ANKRD36C: variants seen among roughly 807,000 people sequenced by gnomAD.
The protein encoded by ANKRD36C is ankyrin repeat domain-containing protein 36C.
In ANKRD36C, 61 loss-of-function variants were observed where a neutral mutation model predicts 276.4. The ratio of observed to expected loss-of-function variants is 0.22; its 90% CI spans 0.18 to 0.27. ANKRD36C has a LOEUF of 0.27. Ranked by LOEUF, ANKRD36C falls within the 10% of genes least tolerant of loss-of-function variation. The pLI is 1.00. For missense variants in ANKRD36C, 1,447 were observed against 2,032.3 expected (o/e 0.71, Z 5.54); for synonymous variants, 483 against 680.1 (o/e 0.71, Z 4.51).
At chr2:95,915,666 C>G (rs1271157379) in intron 38 of ANKRD36C, among the ~76,000 whole-genome samples, 1 of 151,480 alleles carries the variant, frequency 6.6e-6, no homozygotes, top group East Asian at 2.0e-4. Flanking sequence ...TCCTCCCTTT[C>G]TCCTTACACC....
chr2:95,889,667 T>C, intron 48 of ANKRD36C, 132 bp downstream of exon 68: 2 of 1,307,604 alleles, frequency 1.5e-6, no homozygotes, highest in Non-Finnish European at 2.1e-6. Flanking sequence ...GAGAACTTAT[T>C]ACAAATGAAT....
chr2:95,893,535 G>C (rs1040929656), intron 44 of ANKRD36C: 4 of 1,544,340 alleles, frequency 2.6e-6, no homozygotes, highest in Admixed American at 3.9e-5. Context: ...AAAATTACCT[G>C]TTCTAGATTT....
chr2:95,925,907 G>T (rs1677391927), intron 28 of ANKRD36C, among the ~76,000 whole-genome samples: 1 of 151,560 alleles, frequency 6.6e-6, no homozygotes. Context: ...GGTACTAAAT[G>T]CTACTGCATG....
intron 38 of ANKRD36C, among the ~76,000 whole-genome samples, chr2:95,915,314 T>G (rs182122212): frequency 6.6e-6 from 1 of 151,566 alleles, no homozygotes; most frequent in Non-Finnish European, 1.5e-5. Flanking sequence ...TGATGCCTAA[T>G]AGTAACAAAG....
intron 12 of ANKRD36C, among the ~76,000 whole-genome samples, chr2:95,958,338 T>C (rs1440103914): frequency 6.6e-6 from 1 of 152,056 alleles, no homozygotes; most frequent in East Asian, 1.9e-4. Flanking sequence ...CCTCAGCCTG[T>C]TGTATCTTGA....
intron 6 of ANKRD36C, among the ~76,000 whole-genome samples, chr2:95,972,523 A>T (rs1280535062): frequency 6.6e-6 from 1 of 152,198 alleles, no homozygotes; most frequent in African/African-American, 2.4e-5. Flanking sequence ...TTTACTATGT[A>T]TTCTTTCACT....
intron 40 of ANKRD36C, 50 bp downstream of exon 42, chr2:95,914,058 T>A: frequency 1.3e-6 from 2 of 1,497,620 alleles, no homozygotes; most frequent in Admixed American, 2.0e-5. Flanking sequence ...GGAAGAGAAT[T>A]TCTTATCTAT....
chr2:95,960,773 CA>C (rs1298717244), intron 8 of ANKRD36C, 106 bp from the exon 9 acceptor site: 2 of 583,732 alleles, frequency 3.4e-6, no homozygotes, highest in Admixed American at 3.2e-5. Flanking sequence ...CCTGAATTAG[CA>C]TAGGCTTTGA....
At chr2:95,928,165 A>ACTG (rs1677461926) in intron 26 of ANKRD36C, among the ~76,000 whole-genome samples, 1 of 151,694 alleles carries the variant, frequency 6.6e-6, no homozygotes, top group Non-Finnish European at 1.5e-5. Context: ...TTACATTCAG[A>ACTG]AATCACTCCA....
intron 5 of ANKRD36C, among the ~76,000 whole-genome samples, chr2:95,980,275 C>T (rs1678890624): frequency 6.6e-6 from 1 of 152,058 alleles, no homozygotes; most frequent in African/African-American, 2.4e-5. Context: ...GTGCACAGCA[C>T]AAGGTTTTTT....
In ANKRD36C at chr2:95,973,684, T is replaced by G. The variant is rs565644707; in HGVS notation, c.799+4438A>C. 1.8e-3 allele frequency among the ~76,000 whole-genome samples: 274 copies of G among 152,178 alleles called. 1 individual carries two copies. Among genetic ancestry groups the G allele is most frequent in the Middle Eastern group, 6.8e-3 (2 of 294 alleles). On this transcript the variant is annotated intron_variant, in intron 6 of 66. Transcript: ENST00000456556. The stretch of plus-strand genomic sequence containing the variant: ...AAATGTAGGATGAGTTATCCACTTC[T>G]GCTCCCAAACAGTGGGTTTTTCTTA...
At chr2:95,960,494 C>T in exon 10 of ANKRD36C, 1 of 1,537,298 alleles carries the variant, frequency 6.5e-7, no homozygotes, top group Middle Eastern at 1.8e-4. Flanking sequence ...TTTTGTTCAT[C>T]TTTTATTTCT....
rs1265131041 is a variant in ANKRD36C at position 95,972,633 on chromosome 2, A to G, written c.799+5489T>C. 2.0e-5 allele frequency among the ~76,000 whole-genome samples: 3 copies of G among 152,370 alleles called. No individual in the cohort carries two copies. The East Asian group carries it at 5.8e-4, about 29-fold the overall frequency. Reference sequence around the variant, plus strand: ...TGGGAAACTCTGACATAGTGGCATTATATGAAATTAGTTTTCTTTAAGGTG... The same window carrying G: ...TGGGAAACTCTGACATAGTGGCATTGTATGAAATTAGTTTTCTTTAAGGTG... On this transcript the variant is annotated intron_variant, in intron 6 of 66. Coordinates refer to ENST00000456556, the Ensembl canonical transcript of ANKRD36C.
intron 6 of ANKRD36C, among the ~76,000 whole-genome samples, chr2:95,967,608 T>C (rs1678618333): frequency 6.6e-6 from 1 of 152,036 alleles, no homozygotes; most frequent in Admixed American, 6.6e-5. Flanking sequence ...GAACCAGAAA[T>C]ACCATTTGAG....
chr2:95,882,251 T>C lies in ANKRD36C; in HGVS notation c.3367+51A>G, dbSNP rs555119583. On this transcript the variant is annotated intron_variant, in intron 56 of 66. Coordinates refer to ENST00000456556, the Ensembl canonical transcript of ANKRD36C. Reference sequence around the variant, plus strand: ...TGCTGATCTATTCAGGGGTGGGACATTGTCTTCTATCTTGAGTGCACATGA... The same window carrying C: ...TGCTGATCTATTCAGGGGTGGGACACTGTCTTCTATCTTGAGTGCACATGA... 1.4e-4 allele frequency: 212 copies of C among 1,545,734 alleles called. No homozygotes were observed. In the African/African-American group the frequency reaches 1.9e-3, roughly 14 times the overall value.
At chr2:95,979,322 T>C (rs1678871215) in intron 5 of ANKRD36C, among the ~76,000 whole-genome samples, 2 of 152,018 alleles carry the variant, frequency 1.3e-5, no homozygotes. Context: ...ATTTTCTCCA[T>C]ATTGTTCCAA....
intron 60 of ANKRD36C, among the ~76,000 whole-genome samples, chr2:95,861,814 A>G (rs1352690859): frequency 6.6e-6 from 1 of 152,144 alleles, no homozygotes; most frequent in African/African-American, 2.4e-5. Flanking sequence ...CTCAGCAAGA[A>G]AGCAAGACCC....
chr2:95,939,943 G>A (rs1311189453), intron 20 of ANKRD36C, among the ~76,000 whole-genome samples: 2 of 152,166 alleles, frequency 1.3e-5, no homozygotes, highest in African/African-American at 2.4e-5. Flanking sequence ...TAACTAATGA[G>A]TACTCAGATT....
At chr2:95,894,664 A>G (rs1676484002) in intron 44 of ANKRD36C, among the ~76,000 whole-genome samples, 1 of 151,412 alleles carries the variant, frequency 6.6e-6, no homozygotes, top group African/African-American at 2.4e-5. Context: ...AAGGAAGCCA[A>G]CGTATTCATA....
Sources: gnomAD v4.1 joint callset for allele counts (sites outside exome capture counted in the v4.1 genomes callset) on GRCh38, gnomAD v4.1.1 for gene constraint, MANE v1.5 for transcripts, NCBI Gene and HGNC (gene_info 2026-07-23, HGNC 2026-07-21) for gene names.